The following PIP4P2 variants were observed in gnomAD, a reference collection of about 807,000 sequenced individuals.
The protein encoded by PIP4P2 is type 2 phosphatidylinositol 4,5-bisphosphate 4-phosphatase.
PIP4P2 carries 19 observed loss-of-function variants against 33.3 expected under a neutral mutation model. The observed-to-expected ratio is 0.57, with a 90% confidence interval of 0.40 to 0.84. The LOEUF is 0.84. Among genes scored for constraint, PIP4P2 ranks in the 40% least tolerant of loss-of-function variants. PIP4P2 has a pLI of 0.00. For missense variants in PIP4P2, 270 were observed against 324.7 expected (o/e 0.83, Z 1.29); for synonymous variants, 110 against 111.9 (o/e 0.98, Z 0.11).
At position 91,018,523 on chromosome 8, in the gene PIP4P2, G is replaced by A. The variant is rs1188874970; in HGVS notation, c.363-10C>T. The A allele has an allele frequency of 1.9e-6, 3 of 1,611,130 alleles. No homozygotes were observed. Among genetic ancestry groups the A allele is most frequent in the African/African-American group, 1.4e-5 (1 of 73,468 alleles). Reference sequence around the variant, plus strand: ...GTTAATTATCCGTCTACTGTGAAAAGAGAAAGGAAACAACTTCACTATCCC... The same window carrying A: ...GTTAATTATCCGTCTACTGTGAAAAAAGAAAGGAAACAACTTCACTATCCC... On this transcript the variant is annotated splice_polypyrimidine_tract_variant and intron_variant, in intron 3 of 6. Transcript: ENST00000285419.
intron 3 of PIP4P2, 161 bp from the exon 4 acceptor site, chr8:91,018,674 A>G: frequency 9.0e-7 from 1 of 1,116,142 alleles, no homozygotes; most frequent in Non-Finnish European, 1.2e-6. Flanking sequence ...AGCAACAGTC[A>G]GTTTTTCAAA....
chr8:91,012,959 A>G (rs1168444388), intron 4 of PIP4P2, among the ~76,000 whole-genome samples: 1 of 152,144 alleles, frequency 6.6e-6, no homozygotes, highest in Non-Finnish European at 1.5e-5. Context: ...CTTTATAACA[A>G]CTGTCTTTTT....
intron 1 of PIP4P2, among the ~76,000 whole-genome samples, chr8:91,037,822 G>A (rs551626963): frequency 5.9e-5 from 9 of 152,118 alleles, no homozygotes; most frequent in South Asian, 2.1e-4. Flanking sequence ...AAATTCAAAG[G>A]TCATATTCTT....
At chr8:91,009,596 CA>C (rs1234935752) in intron 4 of PIP4P2, among the ~76,000 whole-genome samples, 3 of 151,780 alleles carry the variant, frequency 2.0e-5, no homozygotes, top group Non-Finnish European at 2.9e-5. Flanking sequence ...AGTTTATCAT[CA>C]AAACAACATA....
Position 90,995,704 on chromosome 8 carries a change from G to A in PIP4P2, c.747C>T (p.Val249=), listed in dbSNP as rs763276438. 3.1e-6 allele frequency: 5 copies of A among 1,612,800 alleles called. No homozygotes were observed. The highest frequency in any genetic ancestry group is 3.4e-6 in the Non-Finnish European group (4 of 1,179,388). The part of the protein sequence containing the change: ...IRACYWGAIR[V]SYPEHSFA ...ATGCAAAACTGTGTTCTGGATAACT[G>A]ACTCTTATGGCTCCCCAATAACAAG... Residue 249 remains valine (V), a synonymous_variant, in exon 7 of 7, where the codon GTC becomes GTT. Coordinates refer to ENST00000285419, the MANE Select transcript of PIP4P2 (RefSeq NM_018710.3).
chr8:91,020,565 A>G (rs1811993951), intron 2 of PIP4P2, among the ~76,000 whole-genome samples: 1 of 152,204 alleles, frequency 6.6e-6, no homozygotes, highest in African/African-American at 2.4e-5. Context: ...AAAATGTAAT[A>G]TATAAAGCCT....
chr8:91,040,813 C>CT lies in PIP4P2; in HGVS notation c.-65dup, dbSNP rs1197450539. The CT allele has an allele frequency of 6.9e-7, 1 of 1,457,682 alleles. No individual in the cohort carries two copies. Among genetic ancestry groups the CT allele is most frequent in the Non-Finnish European group, 9.5e-7 (1 of 1,056,668 alleles). The allele number at this position is 1,457,682 out of a possible 1,614,324, so 90.3% of individuals were successfully genotyped here. ...GGTTGCGGCCTCGGCGGAGTGGTGG[C>CT]TACTGCTGCTGCCTCTGCTGCCGCT... On this transcript the variant is annotated 5_prime_UTR_variant, in exon 1 of 7. Coordinates refer to ENST00000285419, the MANE Select transcript of PIP4P2 (RefSeq NM_018710.3).
At chr8:91,025,955 A>G (rs561021576) in intron 1 of PIP4P2, among the ~76,000 whole-genome samples, 1 of 152,310 alleles carries the variant, frequency 6.6e-6, no homozygotes, top group South Asian at 2.1e-4. Flanking sequence ...TAGGAGACTC[A>G]AGTTCTCCCA....
chr8:91,001,415 A>G (rs111410283), intron 5 of PIP4P2, among the ~76,000 whole-genome samples: 10 of 152,120 alleles, frequency 6.6e-5, no homozygotes, highest in African/African-American at 2.4e-4. Flanking sequence ...CTGCCACACC[A>G]TCATTAATCT....
intron 1 of PIP4P2, among the ~76,000 whole-genome samples, chr8:91,023,872 G>A (rs182527023): frequency 1.5e-3 from 223 of 152,030 alleles, no homozygotes; most frequent in African/African-American, 5.0e-3. Flanking sequence ...ATAACACCAA[G>A]TATTAGGTTG....
intron 5 of PIP4P2, among the ~76,000 whole-genome samples, chr8:91,007,737 T>C (rs952402583): frequency 6.6e-6 from 1 of 152,188 alleles, no homozygotes; most frequent in African/African-American, 2.4e-5. Flanking sequence ...AAATTTAGAT[T>C]TGGGGAGAAT....
intron 5 of PIP4P2, among the ~76,000 whole-genome samples, chr8:91,004,376 C>G (rs548527043): frequency 6.6e-6 from 1 of 152,000 alleles, no homozygotes; most frequent in South Asian, 2.1e-4. Flanking sequence ...ACATTGAGGG[C>G]AGATCTTCTC....
intron 1 of PIP4P2, among the ~76,000 whole-genome samples, chr8:91,034,489 T>C (rs1170667279): frequency 6.6e-6 from 1 of 152,168 alleles, no homozygotes; most frequent in East Asian, 1.9e-4. Flanking sequence ...GTGAAGCAAA[T>C]TTTGATTCAA....
At chr8:91,003,384 A>G (rs1329087676) in intron 5 of PIP4P2, among the ~76,000 whole-genome samples, 3 of 152,220 alleles carry the variant, frequency 2.0e-5, no homozygotes, top group Admixed American at 1.3e-4. Context: ...ATGTCAAGGG[A>G]CATAATTGAT....
intron 4 of PIP4P2, among the ~76,000 whole-genome samples, chr8:91,014,758 G>GACACACACACACACAC (rs142952434): frequency 3.5e-5 from 5 of 142,652 alleles, no homozygotes; most frequent in Non-Finnish European, 6.1e-5. Flanking sequence ...TTACCACAAA[G>GACACACACACACACAC]ACACACACAC....
intron 5 of PIP4P2, among the ~76,000 whole-genome samples, chr8:91,004,486 A>G (rs780502167): frequency 7.2e-5 from 11 of 152,146 alleles, no homozygotes; most frequent in Non-Finnish European, 1.6e-4. Context: ...TCAAGTTGAC[A>G]CCTAAAATTA....
chr8:90,998,247 C>T (rs1450824932), intron 5 of PIP4P2, among the ~76,000 whole-genome samples: 1 of 152,026 alleles, frequency 6.6e-6, no homozygotes, highest in Non-Finnish European at 1.5e-5. Flanking sequence ...CTGAATAAGT[C>T]AAAAGTTTCT....
In PIP4P2 at chr8:91,040,850, AGCTGCTGCT is replaced by A; in HGVS notation, c.-110_-102del. The A allele has an allele frequency of 9.8e-7, 1 of 1,019,582 alleles. No homozygotes were observed. 63.2% of individuals were successfully genotyped at this position (1,019,582 alleles called of 1,614,324 possible). A position where few individuals can be genotyped will look rare whatever the true frequency, so the allele number is the denominator to read the frequency against. On this transcript the variant is annotated 5_prime_UTR_variant, in exon 1 of 7. Coordinates refer to ENST00000285419, the MANE Select transcript of PIP4P2 (RefSeq NM_018710.3). ...CCTCTGCTGCCGCTGCTGCCGCTGCAGCTGCTGCTGCTGCCGCCTCCGGGAGGGCCCGGG... is the reference window on the plus strand; with the variant it reads ...CCTCTGCTGCCGCTGCTGCCGCTGCAGCTGCCGCCTCCGGGAGGGCCCGGG...
At chr8:91,017,401 A>T (rs983918228) in intron 4 of PIP4P2, among the ~76,000 whole-genome samples, 27 of 152,112 alleles carry the variant, frequency 1.8e-4, no homozygotes, top group Non-Finnish European at 3.7e-4. Context: ...TTCATCTCAA[A>T]AAATAAATGA....
Sources: allele counts gnomAD v4.1 joint callset (sites outside exome capture counted in the v4.1 genomes callset), GRCh38; gene constraint gnomAD v4.1.1; transcripts MANE v1.5; gene names NCBI Gene and HGNC (gene_info 2026-07-23, HGNC 2026-07-21).